The following TNFRSF8 variants were observed in gnomAD, a reference collection of about 807,000 sequenced individuals.
TNFRSF8 encodes the protein TNF receptor superfamily member 8.
TNFRSF8 carries 26 observed loss-of-function variants against 70.8 expected under a neutral mutation model. That is an observed-to-expected ratio of 0.37 (90% CI 0.27 to 0.51). The LOEUF is 0.51. TNFRSF8 is among the 20% of genes least tolerant of loss of function. The pLI is 0.94. For missense variants in TNFRSF8, 720 were observed against 807.9 expected, an observed-to-expected ratio of 0.89 and a Z score of 1.32; for synonymous variants, 356 against 339.2, an observed-to-expected ratio of 1.05 and a Z score of -0.54.
chr1:12,070,255 T>A (rs1416723223), intron 1 of TNFRSF8, among the ~76,000 whole-genome samples: 1 of 151,986 alleles, frequency 6.6e-6, no homozygotes, highest in East Asian at 1.9e-4. Flanking sequence ...TTTCTTCTTT[T>A]CTTTTCTTTT....
rs867554047 is a variant in TNFRSF8, at chr1:12,115,764, G to A, written c.946+35G>A. On this transcript the variant is annotated intron_variant, in intron 8 of 14. Transcript: ENST00000263932. Reference sequence around the variant, plus strand: ...TCCCACCCCAGGCCTCGACCACAGGGTGGAGTCTGTGCCCCCACTGTTGTG... The same window carrying A: ...TCCCACCCCAGGCCTCGACCACAGGATGGAGTCTGTGCCCCCACTGTTGTG... 1.3e-5 allele frequency: 21 copies of A among 1,605,436 alleles called. No individual in the cohort carries two copies. The Middle Eastern group carries it at 5.0e-4, about 38-fold the overall frequency.
intron 2 of TNFRSF8, among the ~76,000 whole-genome samples, chr1:12,086,574 A>G (rs1194767267): frequency 6.7e-6 from 1 of 148,622 alleles, no homozygotes; most frequent in Non-Finnish European, 1.5e-5. Flanking sequence ...CTTCCCATCT[A>G]GCCACTATCC....
chr1:12,118,954 T>A (rs1215849683), intron 8 of TNFRSF8, among the ~76,000 whole-genome samples: 1 of 152,020 alleles, frequency 6.6e-6, no homozygotes, highest in African/African-American at 2.4e-5. Context: ...AACCTCCACC[T>A]CCCGGGTTCA....
intron 3 of TNFRSF8, among the ~76,000 whole-genome samples, chr1:12,100,550 A>T (rs1329061700): frequency 2.0e-5 from 3 of 152,006 alleles, no homozygotes; most frequent in Non-Finnish European, 4.4e-5. Context: ...TTAAAATTTT[A>T]TTATTTTATT....
At chr1:12,111,370 C>T (rs1026098243) in intron 6 of TNFRSF8, among the ~76,000 whole-genome samples, 1 of 151,598 alleles carries the variant, frequency 6.6e-6, no homozygotes, top group South Asian at 2.1e-4. Flanking sequence ...TTAGTAGAGA[C>T]GGGGTTTCAC....
chr1:12,104,302 TC>T, intron 3 of TNFRSF8, 76 bp from the exon 4 acceptor site: 2 of 1,547,974 alleles, frequency 1.3e-6, no homozygotes, highest in East Asian at 2.3e-5. Context: ...ACCTGCCCTC[TC>T]CCCCTCATCT....
Position 12,142,396 on chromosome 1 carries a change from G to A in TNFRSF8, c.1653G>A (p.Glu551=). Residue 551 remains glutamate, a synonymous_variant, in exon 15 of 15, where the codon GAG becomes GAA. Transcript: ENST00000263932. The surrounding 1 kb of genome is among the most constrained non-coding windows in gnomAD (Gnocchi z 5.0). ...AGPAEPELEE[E]LEADHTPHYP... Reference sequence around the variant, plus strand: ...CAGCAGAGCCCGAGTTGGAGGAGGAGCTGGAGGCGGACCATACCCCCCACT... The same window carrying A: ...CAGCAGAGCCCGAGTTGGAGGAGGAACTGGAGGCGGACCATACCCCCCACT... 1 of 1,612,528 alleles carries A rather than the reference G, an allele frequency of 6.2e-7. No individual in the cohort carries two copies. Among genetic ancestry groups the A allele is most frequent in the Non-Finnish European group, 8.5e-7 (1 of 1,179,520 alleles).
intron 4 of TNFRSF8, 75 bp downstream of exon 4, chr1:12,104,606 C>A: frequency 6.4e-7 from 1 of 1,567,500 alleles, no homozygotes; most frequent in Non-Finnish European, 8.7e-7. Context: ...CCCCAGTGCA[C>A]TGTTGACTTC....
chr1:12,065,450 C>T (rs1640724110), intron 1 of TNFRSF8, among the ~76,000 whole-genome samples: 1 of 152,118 alleles, frequency 6.6e-6, no homozygotes, highest in Non-Finnish European at 1.5e-5. Context: ...AATATATTCT[C>T]AAAGCAAAAC....
chr1:12,092,799 C>T (rs1372003870), intron 2 of TNFRSF8, among the ~76,000 whole-genome samples: 2 of 151,022 alleles, frequency 1.3e-5, no homozygotes, highest in Non-Finnish European at 2.9e-5. Flanking sequence ...TGAGCCACCG[C>T]GCCCGACCTC....
In TNFRSF8 at chr1:12,126,022, C is replaced by G; in HGVS notation, c.1225C>G (p.Arg409Gly). Residue 409 changes from arginine to glycine, a missense_variant, in exon 11 of 15, where the codon CGG becomes GGG. By Grantham distance (125) the Arg-to-Gly change is moderately radical. Transcript: ENST00000263932. ...CTCCAGCGCCTTCCTCCTGTGCCACCGGAGGGCCTGCAGGAAGCGAATTCG... is the reference window on the plus strand; with the variant it reads ...CTCCAGCGCCTTCCTCCTGTGCCACGGGAGGGCCTGCAGGAAGCGAATTCG... ...VGSSAFLLCH[R>G]RACRKRIRQK... The G allele has an allele frequency of 6.2e-7, 1 of 1,614,094 alleles. No homozygotes were observed. Among genetic ancestry groups the G allele is most frequent in the Non-Finnish European group, 8.5e-7 (1 of 1,179,972 alleles).
In TNFRSF8 at chr1:12,108,843, G is replaced by A. The variant is rs1361655652; in HGVS notation, c.422-723G>A. Among the ~76,000 whole-genome samples, 1 of 152,080 alleles carries A rather than the reference G, an allele frequency of 6.6e-6. No individual in the cohort carries two copies. Among genetic ancestry groups the A allele is most frequent in the Non-Finnish European group, 1.5e-5 (1 of 68,012 alleles). On this transcript the variant is annotated intron_variant, in intron 4 of 14. Transcript: ENST00000263932. This position sits in a 1 kb window ranked among gnomAD's most constrained non-coding sequence, Gnocchi z 4.0. Reference sequence around the variant, plus strand: ...AATAAATAAACAAGTAAATAAAATGGACTTTCCTGGCACAGTTAGGACATA... The same window carrying A: ...AATAAATAAACAAGTAAATAAAATGAACTTTCCTGGCACAGTTAGGACATA...
At chr1:12,078,336 G>A (rs1557576117) in intron 1 of TNFRSF8, among the ~76,000 whole-genome samples, 1 of 152,138 alleles carries the variant, frequency 6.6e-6, no homozygotes, top group Non-Finnish European at 1.5e-5. Context: ...GGCTGAGGTG[G>A]GTGGCTCATT....
Position 12,138,663 on chromosome 1 carries a change from T to C in TNFRSF8, c.1543+227T>C, listed in dbSNP as rs895622185. Among the ~76,000 whole-genome samples, 2 of 152,196 alleles carry C rather than the reference T, an allele frequency of 1.3e-5. No homozygotes were observed. Among genetic ancestry groups the C allele is most frequent in the Admixed American group, 6.5e-5 (1 of 15,280 alleles). On this transcript the variant is annotated intron_variant, in intron 14 of 14. Coordinates refer to ENST00000263932, the MANE Select transcript of TNFRSF8 (RefSeq NM_001243.5). The surrounding 1 kb of genome is among the most constrained non-coding windows in gnomAD (Gnocchi z 5.7). Reference sequence around the variant, plus strand: ...CATGAGCCAGTGTGCATGAGATGCCTGCTGTTACTCATAAAAAACGAACAC... The same window carrying C: ...CATGAGCCAGTGTGCATGAGATGCCCGCTGTTACTCATAAAAAACGAACAC...
intron 12 of TNFRSF8, among the ~76,000 whole-genome samples, chr1:12,129,505 T>G (rs1642006890): frequency 6.6e-6 from 1 of 152,340 alleles, no homozygotes; most frequent in Non-Finnish European, 1.5e-5. Context: ...CAGGGCCACG[T>G]GTTACATTTG....
intron 10 of TNFRSF8, among the ~76,000 whole-genome samples, chr1:12,124,695 G>A (rs188881198): frequency 0.031 from 4,736 of 152,146 alleles, 121 homozygotes; most frequent in East Asian, 0.14. Flanking sequence ...GGTGGCGCGC[G>A]CCTGTAATCC....
chr1:12,127,848 A>AAAAG (rs753985856), intron 12 of TNFRSF8, among the ~76,000 whole-genome samples: 10 of 152,184 alleles, frequency 6.6e-5, no homozygotes, highest in African/African-American at 1.9e-4. Context: ...ACAGAAGAAA[A>AAAAG]AAAGAAAGAA....
Position 12,138,146 on chromosome 1 carries a change from G to GAAA in TNFRSF8, c.1336-75_1336-73dup. On this transcript the variant is annotated intron_variant, in intron 13 of 14. Transcript: ENST00000263932. This position sits in a 1 kb window ranked among gnomAD's most constrained non-coding sequence, Gnocchi z 5.7. The stretch of plus-strand genomic sequence containing the variant: ...GGGACTCACTGGGGTCTGTAGAGAT[G>GAAA]AAAAAAAAAAGGGGCCTCCCAGTTC... 9.2e-7 allele frequency: 1 copy of GAAA among 1,092,158 alleles called. No individual in the cohort carries two copies. The highest frequency in any genetic ancestry group is 1.3e-6 in the Non-Finnish European group (1 of 797,658). The allele number at this position is 1,092,158 out of a possible 1,614,324, so 67.7% of individuals were successfully genotyped here.
In TNFRSF8 at chr1:12,078,437, G is replaced by A. The variant is rs114154771; in HGVS notation, c.64-6027G>A. Among the ~76,000 whole-genome samples the A allele has an allele frequency of 4.5e-3, 689 of 152,240 alleles. 7 individuals carry two copies. The highest frequency in any genetic ancestry group is 0.015 in the African/African-American group (618 of 41,520). On this transcript the variant is annotated intron_variant, in intron 1 of 14. Transcript: ENST00000263932. ...AAATTAGCCAGGTGTGGTGCCAAGC[G>A]CCTGCAGTCCCAGCTACTTGGGAGG...
Sources: gnomAD v4.1 joint callset for allele counts (sites outside exome capture counted in the v4.1 genomes callset) on GRCh38, gnomAD v4.1.1 for gene constraint, Gnocchi (gnomAD v3.1) non-coding constraint, MANE v1.5 for transcripts, NCBI Gene and HGNC (gene_info 2026-07-23, HGNC 2026-07-21) for gene names.